Variants in CASR observed in about 807,000 individuals in gnomAD.
CASR encodes the protein calcium sensing receptor.
In CASR, 23 loss-of-function variants were observed where a neutral mutation model predicts 69.1. The ratio of observed to expected loss-of-function variants is 0.33; its 90% CI spans 0.24 to 0.47. The LOEUF is 0.47. Among genes scored for constraint, CASR ranks in the 20% least tolerant of loss-of-function variants. The pLI is 1.00. For missense variants in CASR, 924 were observed against 1,356.1 expected, an observed-to-expected ratio of 0.68 and a Z score of 5.00; for synonymous variants, 541 against 544.7, an observed-to-expected ratio of 0.99 and a Z score of 0.10.
chr3:122,206,552 C>T (rs1217665428), intron 1 of CASR, among the ~76,000 whole-genome samples: 4 of 151,704 alleles, frequency 2.6e-5, no homozygotes, highest in South Asian at 2.1e-4. Context: ...TTTGCTGTGT[C>T]CTCATCTGGT....
intron 1 of CASR, among the ~76,000 whole-genome samples, chr3:122,200,676 TTA>T (rs1235002486): frequency 6.6e-6 from 1 of 152,240 alleles, no homozygotes; most frequent in Non-Finnish European, 1.5e-5. Flanking sequence ...TTTCCTGCTG[TTA>T]TAAAAAATGT....
At position 122,287,283 on chromosome 3, in the gene CASR, C is replaced by T. The variant is rs1448490302; in HGVS notation, c.*2092C>T. The T allele has an allele frequency of 3.3e-5, 5 of 152,316 alleles. No individual in the cohort carries two copies. The East Asian group carries it at 9.6e-4, about 29-fold the overall frequency. 9.4% of individuals were successfully genotyped at this position (152,316 alleles called of 1,614,324 possible). A position where few individuals can be genotyped will look rare whatever the true frequency, so the allele number is the denominator to read the frequency against. On this transcript the variant is annotated 3_prime_UTR_variant, in exon 7 of 7. Coordinates refer to ENST00000639785, the MANE Select transcript of CASR (RefSeq NM_000388.4). ...GAGGAAAACATAGGTTTACAGTGAG[C>T]TTTTATTTCACCAAGTGCTTGCAAA...
At position 122,285,420 on chromosome 3, in the gene CASR, T is replaced by TCGGCGACCACC; in HGVS notation, c.*229_*230insCGGCGACCACC. ...TCTGTGGTTGCATTTGTCAAAGCATTGAGATCTCCACGGTCAGATTTGCTG... is the reference window on the plus strand; with the variant it reads ...TCTGTGGTTGCATTTGTCAAAGCATTCGGCGACCACCGAGATCTCCACGGTCAGATTTGCTG... On this transcript the variant is annotated 3_prime_UTR_variant, in exon 7 of 7. Coordinates refer to ENST00000639785, the MANE Select transcript of CASR (RefSeq NM_000388.4). 6.4e-6 allele frequency: 3 copies of TCGGCGACCACC among 471,044 alleles called. No individual in the cohort carries two copies. Among genetic ancestry groups the TCGGCGACCACC allele is most frequent in the Non-Finnish European group, 7.7e-6 (2 of 259,376 alleles). The allele number at this position is 471,044 out of a possible 1,614,324, so 29.2% of individuals were successfully genotyped here.
chr3:122,226,719 GCA>G (rs2074226384), intron 1 of CASR, among the ~76,000 whole-genome samples: 1 of 152,130 alleles, frequency 6.6e-6, no homozygotes, highest in Non-Finnish European at 1.5e-5. Flanking sequence ...GCTGATTGGT[GCA>G]TTTACAAACC....
At chr3:122,277,551 T>C (rs1340294160) in intron 5 of CASR, among the ~76,000 whole-genome samples, 2 of 152,090 alleles carry the variant, frequency 1.3e-5, no homozygotes, top group Admixed American at 1.3e-4. Flanking sequence ...AGAGGGTGGG[T>C]TCTTAATTAT....
chr3:122,201,703 C>A, intron 1 of CASR, among the ~76,000 whole-genome samples: 1 of 130,676 alleles, frequency 7.7e-6, no homozygotes, highest in East Asian at 2.0e-4. Context: ...CCGGACGGGG[C>A]GGCTGGCTTG....
In CASR at chr3:122,288,071, C is replaced by T. The variant is rs1349760271; in HGVS notation, c.*2880C>T. On this transcript the variant is annotated 3_prime_UTR_variant, in exon 7 of 7. Transcript: ENST00000639785. ...TTAAAGTATAGTGGAATTAAGATTG[C>T]TAATCAGCTGACCTTGAGATAGGAA... is the stretch of plus-strand genomic sequence containing the variant. 6.6e-6 allele frequency: 1 copy of T among 152,368 alleles called. No homozygotes were observed. Among genetic ancestry groups the T allele is most frequent in the African/African-American group, 2.4e-5 (1 of 41,570 alleles). The allele number at this position is 152,368 out of a possible 1,614,324, so 9.4% of individuals were successfully genotyped here.
chr3:122,274,304 C>T (rs2074791255), intron 4 of CASR, among the ~76,000 whole-genome samples: 1 of 152,214 alleles, frequency 6.6e-6, no homozygotes, highest in Admixed American at 6.5e-5. Flanking sequence ...TGGACTCTGC[C>T]CCCAAGCATG....
Position 122,254,293 on chromosome 3 carries a change from G to C in CASR, c.104G>C (p.Gly35Ala). The stretch of plus-strand genomic sequence containing the variant: ...CAAAAGAAGGGGGACATTATCCTTG[G>C]GGGGCTCTTTCCTATTCATTTTGGA... Reference protein sequence around the residue: ...RAQKKGDIILGGLFPIHFGVA... With the variant: ...RAQKKGDIILAGLFPIHFGVA... Residue 35 changes from glycine to alanine, a missense_variant, in exon 2 of 7, where the codon GGG (glycine) becomes GCG (alanine). Physicochemically the swap from Gly to Ala is moderately conservative, Grantham distance 60 (BLOSUM62 0). Around this residue, in one of 8 missense-constraint regions of CASR, gnomAD observed 141 missense variants for 283.0 expected, o/e 0.50. Coordinates refer to ENST00000639785, the MANE Select transcript of CASR (RefSeq NM_000388.4). The C allele has an allele frequency of 6.2e-7, 1 of 1,614,092 alleles. No individual in the cohort carries two copies. The highest frequency in any genetic ancestry group is 8.5e-7 in the Non-Finnish European group (1 of 1,180,020).
intron 1 of CASR, among the ~76,000 whole-genome samples, chr3:122,240,159 C>T (rs568870851): frequency 6.6e-6 from 1 of 152,304 alleles, no homozygotes; most frequent in Non-Finnish European, 1.5e-5. Flanking sequence ...AAGCATATAA[C>T]ATACAACAGA....
chr3:122,220,015 C>A (rs2074155264), intron 1 of CASR, among the ~76,000 whole-genome samples: 1 of 152,152 alleles, frequency 6.6e-6, no homozygotes, highest in South Asian at 2.1e-4. Flanking sequence ...TGTGGGTATG[C>A]CTGCATGCAC....
rs201702964 is a variant in CASR at position 122,284,189 on chromosome 3, C to T, written c.2235C>T (p.Thr745=). 5.0e-6 allele frequency: 8 copies of T among 1,613,774 alleles called. No individual in the cohort carries two copies. Among genetic ancestry groups the T allele is most frequent in the African/African-American group, 2.7e-5 (2 of 74,900 alleles). ...QIVICVIWLY[T]APPSSYRNQE... is the part of the protein sequence containing the mutation. ...TCATCTGTGTGATCTGGCTCTACAC[C>T]GCGCCCCCGTCAAGCTACCGCAACC... Residue 745 remains threonine, a synonymous_variant, in exon 7 of 7, where the codon ACC becomes ACT. Transcript: ENST00000639785.
At chr3:122,204,162 C>G (rs1217179518) in intron 1 of CASR, among the ~76,000 whole-genome samples, 1 of 152,078 alleles carries the variant, frequency 6.6e-6, no homozygotes, top group Non-Finnish European at 1.5e-5. Context: ...AAACTAAAGT[C>G]ACCCTGCTGA....
intron 1 of CASR, among the ~76,000 whole-genome samples, chr3:122,213,507 C>T (rs1303373721): frequency 6.6e-6 from 1 of 152,154 alleles, no homozygotes; most frequent in Non-Finnish European, 1.5e-5. Context: ...CATTGTCCAG[C>T]TTGGACAAAC....
At chr3:122,239,093 G>T (rs1055019909) in intron 1 of CASR, among the ~76,000 whole-genome samples, 1 of 152,190 alleles carries the variant, frequency 6.6e-6, no homozygotes, top group African/African-American at 2.4e-5. Flanking sequence ...TCAGCCACAA[G>T]GGTGTGGAGC....
chr3:122,258,510 T>A (rs976891548), intron 3 of CASR, among the ~76,000 whole-genome samples: 1 of 152,182 alleles, frequency 6.6e-6, no homozygotes, highest in Non-Finnish European at 1.5e-5. Flanking sequence ...TGTGCCAAAG[T>A]GATCTGACAA....
chr3:122,210,842 A>G (rs1298224211), intron 1 of CASR, among the ~76,000 whole-genome samples: 5 of 152,216 alleles, frequency 3.3e-5, no homozygotes, highest in East Asian at 3.8e-4. Context: ...AAACTGTGCT[A>G]CAAGTCTACA....
chr3:122,252,499 GAA>G (rs36190914), intron 1 of CASR, among the ~76,000 whole-genome samples: 39 of 70,772 alleles, frequency 5.5e-4, no homozygotes, highest in Non-Finnish European at 1.1e-3. Context: ...GGAAGGAAGG[GAA>G]AGAGAGAGAG....
At chr3:122,203,866 G>T (rs527299754) in intron 1 of CASR, among the ~76,000 whole-genome samples, 5 of 152,120 alleles carry the variant, frequency 3.3e-5, no homozygotes, top group Admixed American at 3.3e-4. Flanking sequence ...TGTAGTGTAT[G>T]ACTATATTTA....
Sources: allele counts gnomAD v4.1 joint callset (sites outside exome capture counted in the v4.1 genomes callset), GRCh38; gene constraint gnomAD v4.1.1; regional missense constraint gnomAD v4.1.1; transcripts MANE v1.5; gene names NCBI Gene and HGNC (gene_info 2026-07-23, HGNC 2026-07-21).